NPAS3: variants seen among roughly 807,000 people sequenced by gnomAD.
NPAS3 encodes neuronal PAS domain-containing protein 3.
NPAS3 carries 14 observed loss-of-function variants against 73.1 expected under a neutral mutation model. That is an observed-to-expected ratio of 0.19 (90% CI 0.13 to 0.30). NPAS3 has a LOEUF of 0.30. Ranked by LOEUF, NPAS3 falls within the 10% of genes least tolerant of loss-of-function variation. NPAS3 has a pLI of 1.00. For missense variants in NPAS3, 1,096 were observed against 1,250.0 expected (o/e 0.88, Z 1.86); for synonymous variants, 620 against 541.5 (o/e 1.14, Z -2.01).
intron 4 of NPAS3, among the ~76,000 whole-genome samples, chr14:33,544,475 A>G (rs2054687079): frequency 6.6e-6 from 1 of 152,010 alleles, no homozygotes; most frequent in Admixed American, 6.6e-5. Context: ...TTGATCCAGT[A>G]GGGTTTGTGG....
intron 7 of NPAS3, among the ~76,000 whole-genome samples, chr14:33,750,229 C>G (rs1407319495): frequency 7.2e-6 from 1 of 139,358 alleles, no homozygotes; most frequent in South Asian, 2.3e-4. Context: ...TTTTTTTTTT[C>G]TTACAGCATC....
chr14:32,937,901 T>C (rs1430674431), upstream of NPAS3, among the ~76,000 whole-genome samples: 2 of 152,206 alleles, frequency 1.3e-5, no homozygotes, highest in Non-Finnish European at 2.9e-5. Context: ...GAGAAAACGC[T>C]CTGACCAGGG....
At chr14:33,200,445 C>T (rs538544055) in intron 2 of NPAS3, among the ~76,000 whole-genome samples, 33 of 152,032 alleles carry the variant, frequency 2.2e-4, no homozygotes, top group Non-Finnish European at 3.2e-4. Flanking sequence ...CTTCATTTTC[C>T]TCCATTTTAT....
At chr14:33,308,527 T>TATATATATATATATACACACAC in intron 3 of NPAS3, among the ~76,000 whole-genome samples, 160 of 103,672 alleles carry the variant, frequency 1.5e-3, no homozygotes, top group African/African-American at 3.7e-3. Flanking sequence ...TATATATATA[T>TATATATATATATATACACACAC]ACATACACAC....
chr14:33,758,429 AT>A (rs1175236207), intron 7 of NPAS3, among the ~76,000 whole-genome samples: 1 of 152,126 alleles, frequency 6.6e-6, no homozygotes, highest in Non-Finnish European at 1.5e-5. Flanking sequence ...TGCAGGTCTC[AT>A]TCAGGGCTTG....
At chr14:33,736,842 T>C (rs1192976375) in intron 7 of NPAS3, among the ~76,000 whole-genome samples, 2 of 152,180 alleles carry the variant, frequency 1.3e-5, no homozygotes, top group Non-Finnish European at 2.9e-5. Flanking sequence ...TTAAGTATAA[T>C]TCAATATTAT....
In NPAS3 at chr14:33,800,882, C is replaced by T. The variant is rs1026025297; in HGVS notation, c.2575C>T (p.Pro859Ser). 1.2e-6 allele frequency: 2 copies of T among 1,606,068 alleles called. No individual in the cohort carries two copies. The highest frequency in any genetic ancestry group is 8.5e-7 in the Non-Finnish European group (1 of 1,176,906). Residue 859 changes from proline to serine, a missense_variant, in exon 12 of 12, where the codon CCC becomes TCC. By Grantham distance (74) the Pro-to-Ser change is moderately conservative. This residue lies in a region of NPAS3 where 698 missense variants were observed against 676.7 expected (regional missense o/e 1.03). Coordinates refer to ENST00000356141, the Ensembl canonical transcript of NPAS3. The surrounding 1 kb of genome is among the most constrained non-coding windows in gnomAD (Gnocchi z 6.5). ...TGTTAACTTCGTGGACGTTAACAGC[C>T]CCGGCTTTGGCCTCGACCCCAAGAC...
At chr14:33,050,451 C>T (rs2138487513) in intron 1 of NPAS3, among the ~76,000 whole-genome samples, 1 of 152,314 alleles carries the variant, frequency 6.6e-6, no homozygotes, top group South Asian at 2.1e-4. Context: ...ATCACCTCCC[C>T]TGGCTCCTTG....
chr14:33,601,482 A>G lies in NPAS3; in HGVS notation c.558+41272A>G, dbSNP rs560661696. On this transcript the variant is annotated intron_variant, in intron 5 of 11. Coordinates refer to ENST00000356141, the Ensembl canonical transcript of NPAS3. ...CTCAACTTTAAAACCAAAAGAGGACATAGGTAGTCCTAGAATTATTTAAAC... is the reference window on the plus strand; with the variant it reads ...CTCAACTTTAAAACCAAAAGAGGACGTAGGTAGTCCTAGAATTATTTAAAC... 3.3e-5 allele frequency among the ~76,000 whole-genome samples: 5 copies of G among 152,354 alleles called. No homozygotes were observed. In the East Asian group the frequency reaches 7.7e-4, roughly 24 times the overall value.
chr14:33,769,543 T>C (rs563327583), intron 7 of NPAS3, among the ~76,000 whole-genome samples: 1 of 152,316 alleles, frequency 6.6e-6, no homozygotes, highest in East Asian at 1.9e-4. Flanking sequence ...CTGACACCAA[T>C]TGAAATGTTC....
chr14:33,598,917 T>C (rs1033134490), intron 5 of NPAS3, among the ~76,000 whole-genome samples: 5 of 152,246 alleles, frequency 3.3e-5, no homozygotes, highest in Admixed American at 3.3e-4. Flanking sequence ...CATTTTATAG[T>C]TTGGCTTTAA....
intron 1 of NPAS3, among the ~76,000 whole-genome samples, chr14:33,041,366 G>T (rs2040342797): frequency 6.6e-6 from 1 of 152,112 alleles, no homozygotes; most frequent in Admixed American, 6.6e-5. Context: ...CACAGTCAAA[G>T]CATGACCAAG....
At chr14:33,692,997 A>AAAACAGTTCT (rs1260047430) in intron 6 of NPAS3, among the ~76,000 whole-genome samples, 1 of 152,166 alleles carries the variant, frequency 6.6e-6, no homozygotes, top group Non-Finnish European at 1.5e-5. Flanking sequence ...AATGAGAGCA[A>AAAACAGTTCT]AAACAGTTCT....
intron 5 of NPAS3, among the ~76,000 whole-genome samples, chr14:33,588,733 C>G (rs746279401): frequency 3.3e-5 from 5 of 152,174 alleles, no homozygotes; most frequent in Non-Finnish European, 7.3e-5. Context: ...CCTGCCTCAG[C>G]CTCCCAAGTA....
At chr14:33,058,507 AAATGACATATCATCCAATCTTC>A (rs1400601128) in intron 2 of NPAS3, among the ~76,000 whole-genome samples, 1 of 152,250 alleles carries the variant, frequency 6.6e-6, no homozygotes, top group African/African-American at 2.4e-5. Context: ...AGATACAGAC[AAATGACATATCATCCAATCTTC>A]AATGAGCTTA....
At chr14:33,119,851 G>A (rs2043178167) in intron 2 of NPAS3, among the ~76,000 whole-genome samples, 1 of 151,958 alleles carries the variant, frequency 6.6e-6, no homozygotes, top group South Asian at 2.1e-4. Flanking sequence ...CTAGTTAGAG[G>A]GTCAATAGAT....
chr14:33,564,601 C>T (rs1038582064), intron 5 of NPAS3, among the ~76,000 whole-genome samples: 1 of 152,230 alleles, frequency 6.6e-6, no homozygotes, highest in Non-Finnish European at 1.5e-5. Context: ...AACTGGCTTT[C>T]CTTCACCCAT....
chr14:33,516,945 T>C (rs1337822110), intron 4 of NPAS3, among the ~76,000 whole-genome samples: 1 of 152,092 alleles, frequency 6.6e-6, no homozygotes, highest in Non-Finnish European at 1.5e-5. Context: ...CTCTGCATTC[T>C]GTATCTAGAT....
intron 5 of NPAS3, among the ~76,000 whole-genome samples, chr14:33,672,496 T>G (rs535214161): frequency 9.3e-4 from 141 of 152,154 alleles, no homozygotes; most frequent in Non-Finnish European, 1.5e-3. Context: ...TTGGAAGAGG[T>G]GGTAACAGAA....
Sources: gnomAD v4.1 joint callset for allele counts (sites outside exome capture counted in the v4.1 genomes callset) on GRCh38, gnomAD v4.1.1 for gene constraint, gnomAD v4.1.1 regional missense constraint, Gnocchi (gnomAD v3.1) non-coding constraint, MANE v1.5 for transcripts, NCBI Gene and HGNC (gene_info 2026-07-23, HGNC 2026-07-21) for gene names.